Variants in ATP8A2 observed in about 807,000 individuals in gnomAD.
ATP8A2 encodes phospholipid-transporting ATPase IB.
Under a neutral mutation model 165.6 loss-of-function variants are expected in ATP8A2, and 100 were observed. The ratio of observed to expected loss-of-function variants is 0.60; its 90% CI spans 0.51 to 0.71. The LOEUF is 0.71. Ranked by LOEUF, ATP8A2 falls within the 30% of genes least tolerant of loss-of-function variation. The pLI is 0.00. For synonymous variants in ATP8A2, 543 were observed against 548.8 expected, an observed-to-expected ratio of 0.99 and a Z score of 0.15; for missense variants, 1,227 against 1,479.5, an observed-to-expected ratio of 0.83 and a Z score of 2.80.
At chr13:25,376,944 T>C (rs2032650053) in intron 1 of ATP8A2, among the ~76,000 whole-genome samples, 1 of 152,132 alleles carries the variant, frequency 6.6e-6, no homozygotes, top group African/African-American at 2.4e-5. Context: ...GCTCTGAAGG[T>C]CATCACCTTC....
At position 25,714,996 on chromosome 13, in the gene ATP8A2, A is replaced by G. The variant is rs538782106; in HGVS notation, c.2384+15651A>G. Among the ~76,000 whole-genome samples, 7 of 152,312 alleles carry G rather than the reference A, an allele frequency of 4.6e-5. No individual in the cohort carries two copies. In the South Asian group the frequency reaches 1.5e-3, roughly 32 times the overall value. On this transcript the variant is annotated intron_variant, in intron 25 of 36. Coordinates refer to ENST00000381655, the MANE Select transcript of ATP8A2 (RefSeq NM_016529.6). ...AAATAGAAAAAAATATGTATGAAGAAGTTTGGATAAATGCTTCATTTGAAA... is the reference window on the plus strand; with the variant it reads ...AAATAGAAAAAAATATGTATGAAGAGGTTTGGATAAATGCTTCATTTGAAA...
intron 33 of ATP8A2, among the ~76,000 whole-genome samples, chr13:25,941,553 C>A (rs74042217): frequency 6.6e-6 from 1 of 152,146 alleles, no homozygotes; most frequent in Non-Finnish European, 1.5e-5. Context: ...TTCCAGAACC[C>A]GTGTGACTCT....
chr13:25,966,918 AGAGG>A (rs1955789608), intron 34 of ATP8A2, among the ~76,000 whole-genome samples: 1 of 152,046 alleles, frequency 6.6e-6, no homozygotes, highest in Admixed American at 6.5e-5. Flanking sequence ...ATAGGGAGAG[AGAGG>A]GAGGGTGATG....
At chr13:25,802,446 A>G (rs972308366) in intron 27 of ATP8A2, among the ~76,000 whole-genome samples, 2 of 152,240 alleles carry the variant, frequency 1.3e-5, no homozygotes, top group Non-Finnish European at 2.9e-5. Flanking sequence ...TACGAATGGC[A>G]TATTTTAATT....
intron 18 of ATP8A2, among the ~76,000 whole-genome samples, chr13:25,574,248 T>G (rs2039551965): frequency 6.6e-6 from 1 of 152,250 alleles, no homozygotes; most frequent in African/African-American, 2.4e-5. Flanking sequence ...TCACCATCTC[T>G]TATCTGCAAA....
intron 25 of ATP8A2, among the ~76,000 whole-genome samples, chr13:25,746,494 T>C (rs2044034193): frequency 6.6e-6 from 1 of 152,220 alleles, no homozygotes; most frequent in East Asian, 1.9e-4. Flanking sequence ...ATGTATGTAA[T>C]GGTGTTTTTG....
At chr13:25,790,693 C>CAAA (rs113185440) in intron 27 of ATP8A2, among the ~76,000 whole-genome samples, 77 of 92,658 alleles carry the variant, frequency 8.3e-4, no homozygotes, top group African/African-American at 2.8e-3. Context: ...GACCTTGTCT[C>CAAA]AAAAAAAAAA....
Position 26,021,780 on chromosome 13 carries a change from C to T in ATP8A2, c.*1795C>T, listed in dbSNP as rs1051178789. The T allele has an allele frequency of 6.6e-5, 10 of 152,316 alleles. No homozygotes were observed. The highest frequency in any genetic ancestry group is 4.2e-4 in the South Asian group (2 of 4,818). The allele number at this position is 152,316 out of a possible 1,614,324, so 9.4% of individuals were successfully genotyped here. A position where few individuals can be genotyped will look rare whatever the true frequency, so the allele number is the denominator to read the frequency against. On this transcript the variant is annotated 3_prime_UTR_variant, in exon 37 of 37. Coordinates refer to ENST00000381655, the MANE Select transcript of ATP8A2 (RefSeq NM_016529.6). ...CACATGACTGTGCAGCGAAGGAGCA[C>T]ACCTGTCACTCTTAGCTCTAGAGTC...
chr13:25,594,535 A>G (rs913868142), intron 24 of ATP8A2, among the ~76,000 whole-genome samples: 1 of 152,150 alleles, frequency 6.6e-6, no homozygotes, highest in African/African-American at 2.4e-5. Context: ...CCCGAGCAGT[A>G]TACACTGAAC....
chr13:25,587,185 C>A (rs955798680), intron 23 of ATP8A2, among the ~76,000 whole-genome samples: 1 of 151,834 alleles, frequency 6.6e-6, no homozygotes, highest in Non-Finnish European at 1.5e-5. Context: ...TCAAGCACAC[C>A]AAATGTGGAT....
intron 27 of ATP8A2, among the ~76,000 whole-genome samples, chr13:25,795,984 C>G (rs931572873): frequency 1.3e-5 from 2 of 151,544 alleles, no homozygotes; most frequent in Admixed American, 1.3e-4. Context: ...GGGTCTTGCT[C>G]TGTCACCCAG....
chr13:25,575,382 TATTTG>T (rs2039588813), intron 19 of ATP8A2, among the ~76,000 whole-genome samples: 2 of 152,334 alleles, frequency 1.3e-5, no homozygotes, highest in South Asian at 4.1e-4. Flanking sequence ...GACCCAGGAA[TATTTG>T]TTGGACTTTT....
At chr13:25,540,026 G>A (rs1434907739) in intron 7 of ATP8A2, among the ~76,000 whole-genome samples, 1 of 152,124 alleles carries the variant, frequency 6.6e-6, no homozygotes, top group African/African-American at 2.4e-5. Context: ...GACATCACAT[G>A]TTTCCCTTTC....
intron 34 of ATP8A2, among the ~76,000 whole-genome samples, chr13:25,966,263 A>G (rs969546915): frequency 6.6e-6 from 1 of 152,198 alleles, no homozygotes; most frequent in Admixed American, 6.5e-5. Context: ...CCATTTACAG[A>G]TAAGGGACTT....
intron 1 of ATP8A2, among the ~76,000 whole-genome samples, chr13:25,457,239 A>G (rs966361701): frequency 6.6e-6 from 1 of 152,200 alleles, no homozygotes. Flanking sequence ...CATAGACTCT[A>G]GGAGTATACT....
Position 25,939,076 on chromosome 13 carries a change from C to G in ATP8A2, c.3184-22499C>G, listed in dbSNP as rs570762380. On this transcript the variant is annotated intron_variant, in intron 33 of 36. Transcript: ENST00000381655. The stretch of plus-strand genomic sequence containing the variant: ...CAAGCTGGTCTTGAACTCCTGACCT[C>G]AGGTGATCCATCCGCCTTGGCCTCC... Among the ~76,000 whole-genome samples, 4 of 152,290 alleles carry G rather than the reference C, an allele frequency of 2.6e-5. No homozygotes were observed. The South Asian group carries it at 8.3e-4, about 32-fold the overall frequency.
intron 24 of ATP8A2, among the ~76,000 whole-genome samples, chr13:25,617,962 G>A (rs772562737): frequency 6.6e-6 from 1 of 152,168 alleles, no homozygotes; most frequent in Non-Finnish European, 1.5e-5. Flanking sequence ...TTAAATCAGT[G>A]TTAGAATTCG....
chr13:25,829,869 C>T (rs995376934), intron 28 of ATP8A2, among the ~76,000 whole-genome samples: 1 of 151,014 alleles, frequency 6.6e-6, no homozygotes, highest in Non-Finnish European at 1.5e-5. Flanking sequence ...AAGATGCTGA[C>T]AGGCTAGAGG....
At chr13:25,641,699 A>G (rs1401465945) in intron 24 of ATP8A2, among the ~76,000 whole-genome samples, 1 of 152,038 alleles carries the variant, frequency 6.6e-6, no homozygotes, top group African/African-American at 2.4e-5. Context: ...TATAGATTCA[A>G]TGCCATCCCC....
Sources: gnomAD v4.1 joint callset for allele counts (sites outside exome capture counted in the v4.1 genomes callset) on GRCh38, gnomAD v4.1.1 for gene constraint, MANE v1.5 for transcripts, NCBI Gene and HGNC (gene_info 2026-07-23, HGNC 2026-07-21) for gene names.